DAB1: variants seen among roughly 807,000 people sequenced by gnomAD.
DAB1 encodes DAB adaptor protein 1, also known as disabled homolog 1.
In DAB1, 15 loss-of-function variants were observed where a neutral mutation model predicts 64.6. The observed-to-expected ratio is 0.23, with a 90% CI of 0.16 to 0.36. DAB1 has a LOEUF of 0.36. DAB1 is among the 10% of genes least tolerant of loss of function. The pLI is 1.00. For synonymous variants in DAB1, 235 were observed against 251.9 expected, an observed-to-expected ratio of 0.93 and a Z score of 0.64; for missense variants, 596 against 706.7, an observed-to-expected ratio of 0.84 and a Z score of 1.78.
chr1:58,076,374 A>T (rs1382976269), intron 5 of DAB1, among the ~76,000 whole-genome samples: 1 of 152,182 alleles, frequency 6.6e-6, no homozygotes, highest in Non-Finnish European at 1.5e-5. Context: ...CACTTCACCC[A>T]AGGCCATGCT....
At chr1:57,685,992 C>A (rs957419257) in intron 6 of DAB1, among the ~76,000 whole-genome samples, 1 of 151,664 alleles carries the variant, frequency 6.6e-6, no homozygotes, top group East Asian at 1.9e-4. Flanking sequence ...AACTTTTCAC[C>A]TAGAGGAATT....
intron 7 of DAB1, among the ~76,000 whole-genome samples, chr1:57,589,388 C>A (rs1202141157): frequency 3.3e-5 from 5 of 151,932 alleles, no homozygotes; most frequent in Non-Finnish European, 5.9e-5. Context: ...AGGATAATAT[C>A]TTTGATTTTT....
intron 9 of DAB1, among the ~76,000 whole-genome samples, chr1:57,061,506 A>G (rs1650395810): frequency 6.6e-6 from 1 of 152,198 alleles, no homozygotes; most frequent in Non-Finnish European, 1.5e-5. Context: ...TGGTGAGCTC[A>G]CTGTCTGAGG....
chr1:58,202,162 G>C (rs1438031448), intron 4 of DAB1, among the ~76,000 whole-genome samples: 1 of 152,168 alleles, frequency 6.6e-6, no homozygotes, highest in African/African-American at 2.4e-5. Flanking sequence ...ACAAAAAAAA[G>C]ACAATCTGGA....
intron 7 of DAB1, among the ~76,000 whole-genome samples, chr1:57,458,014 C>T (rs1343759339): frequency 6.6e-6 from 1 of 152,126 alleles, no homozygotes; most frequent in Non-Finnish European, 1.5e-5. Flanking sequence ...AACAGACTCA[C>T]ATCTATGTAG....
chr1:57,994,468 C>T (rs1446157319), intron 5 of DAB1, among the ~76,000 whole-genome samples: 1 of 152,152 alleles, frequency 6.6e-6, no homozygotes, highest in African/African-American at 2.4e-5. Flanking sequence ...TTGTAAGAGA[C>T]TCAGAGCACA....
chr1:57,822,355 G>T (rs1307098415), downstream of DAB1, among the ~76,000 whole-genome samples: 1 of 152,106 alleles, frequency 6.6e-6, no homozygotes, highest in African/African-American at 2.4e-5. Flanking sequence ...AGAGAAGAGG[G>T]TCTCTCTGGA....
intron 3 of DAB1, among the ~76,000 whole-genome samples, chr1:58,452,847 A>C (rs1475422053): frequency 2.6e-5 from 4 of 151,342 alleles, no homozygotes; most frequent in African/African-American, 9.8e-5. Context: ...AAAAACAAAA[A>C]ACAAAACAAA....
intron 1 of DAB1, among the ~76,000 whole-genome samples, chr1:57,416,888 A>G (rs1684532747): frequency 1.3e-5 from 2 of 152,302 alleles, no homozygotes; most frequent in South Asian, 4.1e-4. Flanking sequence ...CAGTATAATT[A>G]TTAGGCAAAA....
intron 2 of DAB1, among the ~76,000 whole-genome samples, chr1:58,521,573 G>T (rs1569942931): frequency 6.6e-6 from 1 of 151,962 alleles, no homozygotes; most frequent in East Asian, 1.9e-4. Flanking sequence ...ATTAACAAAG[G>T]GGACATTTAA....
chr1:57,342,574 A>G (rs904342400), intron 1 of DAB1, among the ~76,000 whole-genome samples: 1 of 152,238 alleles, frequency 6.6e-6, no homozygotes, highest in Admixed American at 6.5e-5. Context: ...GATCATACTA[A>G]TAAGTGCTCT....
chr1:57,061,259 A>G (rs943992161), intron 9 of DAB1, among the ~76,000 whole-genome samples: 1 of 150,688 alleles, frequency 6.6e-6, no homozygotes, highest in African/African-American at 2.5e-5. Flanking sequence ...AGATCCTGGA[A>G]GAGTGGGTTA....
intron 5 of DAB1, among the ~76,000 whole-genome samples, chr1:57,979,460 G>A (rs1182124070): frequency 6.6e-6 from 1 of 152,224 alleles, no homozygotes; most frequent in Non-Finnish European, 1.5e-5. Context: ...AATACCTAAT[G>A]TAGGAGACAG....
chr1:58,189,014 CTTG>C (rs1477140319), intron 4 of DAB1, among the ~76,000 whole-genome samples: 1 of 152,134 alleles, frequency 6.6e-6, no homozygotes, highest in Non-Finnish European at 1.5e-5. Flanking sequence ...TCCCAAATTG[CTTG>C]TTGTTTTTTT....
chr1:57,162,987 T>A (rs1351186361), intron 2 of DAB1, among the ~76,000 whole-genome samples: 1 of 152,200 alleles, frequency 6.6e-6, no homozygotes, highest in African/African-American at 2.4e-5. Context: ...TCCTAATGAA[T>A]GCAAGGGCAC....
At chr1:58,189,579 G>A (rs769250925) in intron 4 of DAB1, among the ~76,000 whole-genome samples, 3 of 152,092 alleles carry the variant, frequency 2.0e-5, no homozygotes, top group Non-Finnish European at 2.9e-5. Flanking sequence ...CCAGCATCCC[G>A]CTAACAACCA....
chr1:57,947,912 G>A (rs1229169662), intron 5 of DAB1, among the ~76,000 whole-genome samples: 2 of 152,220 alleles, frequency 1.3e-5, no homozygotes, highest in African/African-American at 4.8e-5. Context: ...CTTCTGAAAT[G>A]TTCAAATTCT....
rs570612295 is a variant in DAB1, at chr1:58,456,990, T to A, written n.257+49070A>T. ...TATCTCAGAAAGACTAAGAAACCGC[T>A]CAGAAGGAGCAGAGCCAGGGTTTAA... On this transcript the variant is annotated intron_variant and non_coding_transcript_variant, in intron 3 of 20. Coordinates refer to the DAB1 transcript ENST00000485760. Among the ~76,000 whole-genome samples the A allele has an allele frequency of 2.0e-5, 3 of 152,258 alleles. No homozygotes were observed. The East Asian group carries it at 5.8e-4, about 29-fold the overall frequency.
At chr1:58,134,579 G>A (rs1269961736) in intron 5 of DAB1, among the ~76,000 whole-genome samples, 1 of 152,192 alleles carries the variant, frequency 6.6e-6, no homozygotes, top group East Asian at 1.9e-4. Flanking sequence ...TTCTTCTGGG[G>A]AGGCCTCAGG....
Sources: allele counts gnomAD v4.1 joint callset (sites outside exome capture counted in the v4.1 genomes callset), GRCh38; gene constraint gnomAD v4.1.1; transcripts MANE v1.5; gene names NCBI Gene and HGNC (gene_info 2026-07-23, HGNC 2026-07-21).